DCDC2C: variants seen among roughly 807,000 people sequenced by gnomAD.
DCDC2C encodes doublecortin domain containing 2C.
Under a neutral mutation model 45.0 loss-of-function variants are expected in DCDC2C, and 44 were observed. The observed-to-expected ratio is 0.98, with a 90% CI of 0.77 to 1.26. DCDC2C has a LOEUF of 1.26. DCDC2C is among the 50% of genes most tolerant of loss of function. The pLI, the probability that DCDC2C is intolerant of heterozygous loss-of-function variation, is 0.00. For missense variants in DCDC2C, 447 were observed against 468.9 expected (o/e 0.95, Z 0.43); for synonymous variants, 187 against 178.8 (o/e 1.05, Z -0.37).
At chr2:3,797,390 G>A (rs955978633) in intron 10 of DCDC2C, among the ~76,000 whole-genome samples, 6 of 151,730 alleles carry the variant, frequency 4.0e-5, no homozygotes, top group Non-Finnish European at 5.9e-5. Flanking sequence ...TCTGATTTTA[G>A]TTATTTCTTG....
intron 10 of DCDC2C, among the ~76,000 whole-genome samples, chr2:3,826,500 T>TA (rs911928186): frequency 1.5e-4 from 23 of 151,800 alleles, no homozygotes; most frequent in African/African-American, 3.6e-4. Flanking sequence ...CTTTTTTTTT[T>TA]AAATTATGTA....
chr2:3,825,101 T>A (rs569148763), intron 10 of DCDC2C, among the ~76,000 whole-genome samples: 1 of 152,334 alleles, frequency 6.6e-6, no homozygotes, highest in South Asian at 2.1e-4. Context: ...CCTGCGGCAG[T>A]GGGCTCCTTT....
In DCDC2C at chr2:3,778,834, AAAG is replaced by A. The variant is rs946691579; in HGVS notation, c.978_980del (p.Glu326del). 3.6e-5 allele frequency: 56 copies of A among 1,551,130 alleles called. 1 individual carries two copies. The African/African-American group carries it at 4.8e-4, about 13-fold the overall frequency. The stretch of plus-strand genomic sequence containing the variant: ...TCCCCAGAGACAAGCTGAGATAGTT[AAAG>A]AAGATGAAGAGATACATGAGAACAC... On this transcript the variant is annotated inframe_deletion, in exon 9 of 11. Transcript: ENST00000399143.
intron 8 of DCDC2C, among the ~76,000 whole-genome samples, chr2:3,776,440 C>T (rs1332599433): frequency 1.3e-5 from 2 of 152,212 alleles, no homozygotes; most frequent in Non-Finnish European, 2.9e-5. Flanking sequence ...AAACCCAACA[C>T]ATTCCCCAGT....
At chr2:3,759,586 T>G (rs146839158) in intron 6 of DCDC2C, among the ~76,000 whole-genome samples, 34 of 152,204 alleles carry the variant, frequency 2.2e-4, no homozygotes, top group African/African-American at 7.5e-4. Context: ...GGGAGGGTGG[T>G]GCATTCAGGA....
chr2:3,801,046 G>A (rs150435076), intron 10 of DCDC2C, among the ~76,000 whole-genome samples: 123 of 152,286 alleles, frequency 8.1e-4, no homozygotes, highest in African/African-American at 2.8e-3. Flanking sequence ...ATCCCTGGGA[G>A]GTTCTATAGA....
chr2:3,776,272 G>T (rs1017171417), intron 8 of DCDC2C, among the ~76,000 whole-genome samples: 7 of 152,258 alleles, frequency 4.6e-5, no homozygotes, highest in African/African-American at 1.7e-4. Flanking sequence ...ACTCTTTCTT[G>T]GTCTCAGTCC....
At chr2:3,845,702 T>G (rs1183011515) in intron 10 of DCDC2C, among the ~76,000 whole-genome samples, 1 of 152,246 alleles carries the variant, frequency 6.6e-6, no homozygotes, top group Non-Finnish European at 1.5e-5. Flanking sequence ...TATGTCTTAG[T>G]GCAGGAAAAA....
chr2:3,712,179 C>T (rs997307030), intron 2 of DCDC2C, among the ~76,000 whole-genome samples: 1 of 152,008 alleles, frequency 6.6e-6, no homozygotes, highest in South Asian at 2.1e-4. Flanking sequence ...TGGAGGGGAC[C>T]GTAAGAGTAG....
intron 6 of DCDC2C, 112 bp from the exon 7 acceptor site, chr2:3,767,642 C>G: frequency 7.9e-7 from 1 of 1,265,128 alleles, no homozygotes; most frequent in Non-Finnish European, 1.1e-6. Flanking sequence ...GAGTTTCCTC[C>G]TACTGTTTCT....
At chr2:3,806,959 G>T (rs1359156767) in intron 10 of DCDC2C, among the ~76,000 whole-genome samples, 1 of 152,138 alleles carries the variant, frequency 6.6e-6, no homozygotes, top group African/African-American at 2.4e-5. Context: ...TGAATTCCTG[G>T]ACTGCGTTCT....
At chr2:3,784,525 A>AT (rs1237930715) in intron 9 of DCDC2C, among the ~76,000 whole-genome samples, 1 of 151,946 alleles carries the variant, frequency 6.6e-6, no homozygotes, top group African/African-American at 2.4e-5. Flanking sequence ...TGGGGTGATG[A>AT]TTTTCTCTTC....
chr2:3,846,166 C>T (rs1376769160), intron 10 of DCDC2C, among the ~76,000 whole-genome samples: 1 of 151,834 alleles, frequency 6.6e-6, no homozygotes, highest in Non-Finnish European at 1.5e-5. Flanking sequence ...CCTACTTCTT[C>T]TTCGTCATCT....
At chr2:3,731,813 G>C (rs1332046446) in intron 3 of DCDC2C, among the ~76,000 whole-genome samples, 1 of 152,182 alleles carries the variant, frequency 6.6e-6, no homozygotes, top group Non-Finnish European at 1.5e-5. Context: ...GTGTTCTTGA[G>C]CTCACGAGGC....
chr2:3,752,217 T>C (rs1390608634), intron 4 of DCDC2C, among the ~76,000 whole-genome samples: 1 of 152,204 alleles, frequency 6.6e-6, no homozygotes, highest in Non-Finnish European at 1.5e-5. Flanking sequence ...TTGCTTATTT[T>C]TATCTAATGC....
chr2:3,793,483 T>C (rs1670877580), intron 10 of DCDC2C, among the ~76,000 whole-genome samples: 2 of 152,234 alleles, frequency 1.3e-5, no homozygotes, highest in South Asian at 4.1e-4. Context: ...CCTGGCTCCC[T>C]GTCCTGCTGT....
chr2:3,835,466 C>T (rs530317208), intron 10 of DCDC2C, among the ~76,000 whole-genome samples: 65 of 152,330 alleles, frequency 4.3e-4, no homozygotes, highest in African/African-American at 1.5e-3. Flanking sequence ...TAAATGACAT[C>T]AGGCGACATC....
At chr2:3,833,780 TAAA>T (rs1173963000) in intron 10 of DCDC2C, among the ~76,000 whole-genome samples, 3 of 152,208 alleles carry the variant, frequency 2.0e-5, no homozygotes, top group African/African-American at 7.2e-5. Context: ...AAGGTTTTAA[TAAA>T]AAGAAACATA....
At chr2:3,706,282 A>G (rs961481968) in intron 1 of DCDC2C, among the ~76,000 whole-genome samples, 1 of 152,244 alleles carries the variant, frequency 6.6e-6, no homozygotes, top group Non-Finnish European at 1.5e-5. Context: ...AGTGGTTTCA[A>G]GATGGTGCAT....
Sources: allele counts gnomAD v4.1 joint callset (sites outside exome capture counted in the v4.1 genomes callset), GRCh38; gene constraint gnomAD v4.1.1; transcripts MANE v1.5; gene names NCBI Gene and HGNC (gene_info 2026-07-23, HGNC 2026-07-21).